The following SCRG1 variants were observed in gnomAD, a reference collection of about 807,000 sequenced individuals.
SCRG1 encodes the protein stimulator of chondrogenesis 1.
SCRG1 carries 3 observed loss-of-function variants against 7.7 expected under a neutral mutation model. The observed-to-expected ratio is 0.39, with a 90% confidence interval of 0.18 to 1.01. SCRG1 has a LOEUF of 1.01. Ranked by LOEUF, SCRG1 falls within the 50% of genes least tolerant of loss-of-function variation. The probability of loss-of-function intolerance (pLI) is 0.36; values close to 1 mark genes in which losing one functional copy is unlikely to be tolerated. For missense variants in SCRG1, 110 were observed against 117.2 expected (o/e 0.94, Z 0.28); for synonymous variants, 46 against 41.2 (o/e 1.12, Z -0.44).
At chr4:173,459,263 C>T in the SCRG1 span, among the ~76,000 whole-genome samples, 1 of 152,160 alleles carries the variant, frequency 6.6e-6, no homozygotes, top group African/African-American at 2.4e-5. Flanking sequence ...TCAAATGGAC[C>T]CAACAGGCAT....
the SCRG1 span, among the ~76,000 whole-genome samples, chr4:173,470,216 A>G: frequency 6.9e-6 from 1 of 144,034 alleles, no homozygotes; most frequent in East Asian, 2.0e-4. Flanking sequence ...GCATCTCAAT[A>G]TGTGTTTACC....
the SCRG1 span, among the ~76,000 whole-genome samples, chr4:173,443,310 T>G: frequency 1.3e-5 from 2 of 152,136 alleles, no homozygotes; most frequent in African/African-American, 4.8e-5. Context: ...TTGTACATTT[T>G]TATCTAGAAT....
the SCRG1 span, among the ~76,000 whole-genome samples, chr4:173,452,621 C>G: frequency 6.6e-6 from 1 of 152,180 alleles, no homozygotes; most frequent in Admixed American, 6.5e-5. Context: ...GGATTTTGTT[C>G]CCTGTGCTCC....
the SCRG1 span, among the ~76,000 whole-genome samples, chr4:173,493,018 T>C: frequency 1.3e-5 from 2 of 152,266 alleles, no homozygotes; most frequent in East Asian, 3.9e-4. Context: ...CCAGTACACA[T>C]GCTCTCCCCA....
chr4:173,473,360 T>G, the SCRG1 span, among the ~76,000 whole-genome samples: 1 of 71,892 alleles, frequency 1.4e-5, no homozygotes, highest in Non-Finnish European at 2.7e-5. Context: ...TTCTATCTCT[T>G]TTCTCAATCT....
the SCRG1 span, among the ~76,000 whole-genome samples, chr4:173,504,129 G>A: frequency 4.6e-5 from 7 of 152,134 alleles, no homozygotes; most frequent in East Asian, 1.9e-4. This position sits in a 1 kb window ranked among gnomAD's most constrained non-coding sequence, Gnocchi z 4.7. Context: ...GCAGTCCCCC[G>A]CTCTCAGCCT....
At chr4:173,504,518 T>C in the SCRG1 span, among the ~76,000 whole-genome samples, 1 of 152,216 alleles carries the variant, frequency 6.6e-6, no homozygotes, top group African/African-American at 2.4e-5. This position sits in a 1 kb window ranked among gnomAD's most constrained non-coding sequence, Gnocchi z 4.7. Context: ...AATAAAGGTA[T>C]TGGACTCTAG....
chr4:173,450,168 A>G, the SCRG1 span, among the ~76,000 whole-genome samples: 1 of 152,190 alleles, frequency 6.6e-6, no homozygotes, highest in Non-Finnish European at 1.5e-5. Context: ...CAGGGAAGAA[A>G]GCAAGCACAG....
chr4:173,384,994 T>G lies in SCRG1; in HGVS notation c.*3347A>C, dbSNP rs1025829948. 6.6e-6 allele frequency: 1 copy of G among 152,214 alleles called. No individual in the cohort carries two copies. Among genetic ancestry groups the G allele is most frequent in the African/African-American group, 2.4e-5 (1 of 41,462 alleles). 9.4% of individuals were successfully genotyped at this position (152,214 alleles called of 1,614,324 possible). A position where few individuals can be genotyped will look rare whatever the true frequency, so the allele number is the denominator to read the frequency against. ...AAGACTCTAGATGCTAGTGTAAGAC[T>G]GGCCATATTCAAAATCTGGCTCAAT... On this transcript the variant is annotated 3_prime_UTR_variant, in exon 3 of 3. Coordinates refer to ENST00000296506, the MANE Select transcript of SCRG1 (RefSeq NM_007281.4).
the SCRG1 span, among the ~76,000 whole-genome samples, chr4:173,456,900 G>A: frequency 6.6e-6 from 1 of 152,234 alleles, no homozygotes. Context: ...AGGTATCAGG[G>A]TCCCTGACTC....
chr4:173,509,233 T>C, the SCRG1 span, among the ~76,000 whole-genome samples: 2 of 152,212 alleles, frequency 1.3e-5, no homozygotes, highest in East Asian at 3.9e-4. This position sits in a 1 kb window ranked among gnomAD's most constrained non-coding sequence, Gnocchi z 5.7. Context: ...GAAGAGAGGG[T>C]TGCGCGCGCG....
At chr4:173,518,390 AT>A in the SCRG1 span, among the ~76,000 whole-genome samples, 1 of 152,148 alleles carries the variant, frequency 6.6e-6, no homozygotes, top group African/African-American at 2.4e-5. Flanking sequence ...AAAGTTACTT[AT>A]TTTTTTAAAA....
chr4:173,481,367 C>G, the SCRG1 span, among the ~76,000 whole-genome samples: 1 of 152,130 alleles, frequency 6.6e-6, no homozygotes, highest in Non-Finnish European at 1.5e-5. Context: ...TTAATTGAAG[C>G]ATAGTGAGTA....
chr4:173,448,428 T>G, the SCRG1 span, among the ~76,000 whole-genome samples: 2 of 152,208 alleles, frequency 1.3e-5, no homozygotes, highest in South Asian at 4.1e-4. Flanking sequence ...ACCCATCCGC[T>G]CTTGTTGAAG....
rs11302799 is a variant in SCRG1, at chr4:173,386,301, ATTT to A, written c.*2037_*2039del. ...AGGCGCCTGCCACCACGCCCAGCTA[ATTT>A]TTTTTTTTTTTTTTTTTGTATTTTT... On this transcript the variant is annotated 3_prime_UTR_variant, in exon 3 of 3. Coordinates refer to ENST00000296506, the MANE Select transcript of SCRG1 (RefSeq NM_007281.4). 18 of 116,986 alleles carry A rather than the reference ATTT, an allele frequency of 1.5e-4. No homozygotes were observed. Among genetic ancestry groups the A allele is most frequent in the East Asian group, 2.5e-4 (1 of 3,984 alleles). The allele number at this position is 116,986 out of a possible 1,614,324, so 7.2% of individuals were successfully genotyped here.
At chr4:173,483,414 A>ATTATATCATGATATATATTATATG in the SCRG1 span, among the ~76,000 whole-genome samples, 1 of 72,428 alleles carries the variant, frequency 1.4e-5, no homozygotes, top group Non-Finnish European at 2.5e-5. Context: ...TATATTATAT[A>ATTATATCATGATATATATTATATG]TTATATCATG....
the SCRG1 span, among the ~76,000 whole-genome samples, chr4:173,413,203 C>G: frequency 6.6e-6 from 1 of 152,082 alleles, no homozygotes; most frequent in East Asian, 1.9e-4. Flanking sequence ...CTACAGCTGG[C>G]AAAATGCCTG....
the SCRG1 span, among the ~76,000 whole-genome samples, chr4:173,484,739 T>TA: frequency 1.1e-5 from 1 of 90,090 alleles, no homozygotes; most frequent in African/African-American, 4.9e-5. Context: ...ATATAATACA[T>TA]ATTATATATT....
chr4:173,496,293 A>G, the SCRG1 span, among the ~76,000 whole-genome samples: 2 of 152,014 alleles, frequency 1.3e-5, no homozygotes, highest in South Asian at 2.1e-4. Flanking sequence ...GCAAAACTCA[A>G]TATTTGTCAT....
Sources: gnomAD v4.1 joint callset for allele counts (sites outside exome capture counted in the v4.1 genomes callset) on GRCh38, gnomAD v4.1.1 for gene constraint, Gnocchi (gnomAD v3.1) non-coding constraint, MANE v1.5 for transcripts, NCBI Gene and HGNC (gene_info 2026-07-23, HGNC 2026-07-21) for gene names.